Variants in SORCS2 observed in about 807,000 individuals in gnomAD.
The protein encoded by SORCS2 is VPS10 domain-containing receptor SorCS2.
A neutral mutation model predicts 141.6 loss-of-function variants in SORCS2; 100 were observed. That is an observed-to-expected ratio of 0.71 (90% CI 0.60 to 0.83). SORCS2 has a LOEUF of 0.83. Ranked by LOEUF, SORCS2 falls within the 40% of genes least tolerant of loss-of-function variation. SORCS2 has a pLI of 0.00. For synonymous variants in SORCS2, 789 were observed against 676.9 expected, an observed-to-expected ratio of 1.17 and a Z score of -2.57; for missense variants, 1,646 against 1,560.2, an observed-to-expected ratio of 1.05 and a Z score of -0.93.
intron 1 of SORCS2, among the ~76,000 whole-genome samples, chr4:7,386,502 CAT>C (rs1172721051): frequency 1.3e-5 from 1 of 79,616 alleles, no homozygotes; most frequent in Non-Finnish European, 2.5e-5. Flanking sequence ...CACGCACACA[CAT>C]GCCCACCATA....
Position 7,718,105 on chromosome 4 carries a change from C to T in SORCS2, c.2346C>T (p.Gly782=), listed in dbSNP as rs1287674962. The change falls in exon 18 of 27, where the codon GGC becomes GGT. Residue 782 remains glycine, a synonymous_variant. Coordinates refer to ENST00000507866, the MANE Select transcript of SORCS2 (RefSeq NM_020777.3). ...AGTGCCCCCTCACGCCGCCCCGGGG[C>T]CTGCAGGTCAGCATTCAAGGCGAGG... ...QLQCPLTPPR[G]LQVSIQGEAV... 1.1e-5 allele frequency: 17 copies of T among 1,611,928 alleles called. No individual in the cohort carries two copies. The highest frequency in any genetic ancestry group is 1.4e-5 in the Non-Finnish European group (16 of 1,179,212).
intron 3 of SORCS2, among the ~76,000 whole-genome samples, chr4:7,534,333 C>CA (rs1026057820): frequency 6.6e-6 from 1 of 152,126 alleles, no homozygotes; most frequent in Non-Finnish European, 1.5e-5. Context: ...GCCAGGTCCC[C>CA]CCCCATCAGG....
chr4:7,269,885 A>AT (rs905388414), intron 1 of SORCS2, among the ~76,000 whole-genome samples: 1 of 152,128 alleles, frequency 6.6e-6, no homozygotes, highest in Non-Finnish European at 1.5e-5. Context: ...TGTACTACTT[A>AT]TTTTTTATTT....
chr4:7,241,278 G>A (rs1488263325), intron 1 of SORCS2, among the ~76,000 whole-genome samples: 1 of 152,158 alleles, frequency 6.6e-6, no homozygotes, highest in Non-Finnish European at 1.5e-5. Context: ...TGGCTGGTGG[G>A]CAGAGGACAC....
At chr4:7,627,915 C>T (rs560292279) in intron 3 of SORCS2, among the ~76,000 whole-genome samples, 4 of 152,230 alleles carry the variant, frequency 2.6e-5, no homozygotes, top group Non-Finnish European at 5.9e-5. Flanking sequence ...GGAGGTCAGG[C>T]ACGCAGGAAC....
intron 22 of SORCS2, 94 bp from the exon 23 acceptor site, chr4:7,729,493 G>A (rs1250480201): frequency 6.8e-7 from 1 of 1,473,232 alleles, no homozygotes; most frequent in South Asian, 1.3e-5. Context: ...AGGTGTACAG[G>A]CCAAGAAGGG....
At chr4:7,515,560 A>G (rs1269340879) in intron 2 of SORCS2, among the ~76,000 whole-genome samples, 4 of 152,220 alleles carry the variant, frequency 2.6e-5, no homozygotes, top group Non-Finnish European at 4.4e-5. Flanking sequence ...CACATTGAGG[A>G]GGCCTGGACA....
chr4:7,460,268 G>A (rs1410493303), intron 2 of SORCS2: 1 of 154,528 alleles, frequency 6.5e-6, no homozygotes, highest in Non-Finnish European at 1.5e-5. Flanking sequence ...CATGCCCTAA[G>A]CCCCAGAGGA....
chr4:7,540,201 C>CCTCCCTGCCCCTGCCTCTGCCT (rs1712510781), intron 3 of SORCS2, among the ~76,000 whole-genome samples: 3 of 131,276 alleles, frequency 2.3e-5, no homozygotes, highest in African/African-American at 8.7e-5. Context: ...CCTCCCTGCC[C>CCTCCCTGCCCCTGCCTCTGCCT]CTCCCTGCCC....
chr4:7,718,422 A>G (rs2109049682), intron 18 of SORCS2, among the ~76,000 whole-genome samples: 1 of 152,282 alleles, frequency 6.6e-6, no homozygotes, highest in Non-Finnish European at 1.5e-5. Flanking sequence ...CGTAGGGGGT[A>G]TTAGGGTCCC....
chr4:7,523,729 G>A (rs969900356), intron 2 of SORCS2, among the ~76,000 whole-genome samples: 2 of 152,072 alleles, frequency 1.3e-5, no homozygotes, highest in African/African-American at 2.4e-5. Flanking sequence ...TTGGACTATC[G>A]ACCCCTAGCT....
intron 1 of SORCS2, among the ~76,000 whole-genome samples, chr4:7,257,674 A>G (rs776197634): frequency 6.6e-6 from 1 of 152,204 alleles, no homozygotes; most frequent in African/African-American, 2.4e-5. Context: ...TGACAGGAAG[A>G]GAAGTGCACA....
chr4:7,243,092 C>T (rs1196999606), intron 1 of SORCS2, among the ~76,000 whole-genome samples: 1 of 152,198 alleles, frequency 6.6e-6, no homozygotes, highest in Non-Finnish European at 1.5e-5. Flanking sequence ...TGACCCCACC[C>T]CACAGGCTTT....
intron 1 of SORCS2, among the ~76,000 whole-genome samples, chr4:7,222,807 C>T (rs923104947): frequency 6.6e-6 from 1 of 152,010 alleles, no homozygotes; most frequent in Non-Finnish European, 1.5e-5. Context: ...GGCACGGCAG[C>T]TGTGGTCTCC....
At chr4:7,419,389 C>CT (rs1725896819) in intron 2 of SORCS2, among the ~76,000 whole-genome samples, 1 of 152,092 alleles carries the variant, frequency 6.6e-6, no homozygotes, top group South Asian at 2.1e-4. Context: ...CCAGGAAAGG[C>CT]TGTGTGAGCC....
At chr4:7,359,360 C>T (rs1208890888) in intron 1 of SORCS2, among the ~76,000 whole-genome samples, 5 of 152,196 alleles carry the variant, frequency 3.3e-5, no homozygotes, top group African/African-American at 1.2e-4. Flanking sequence ...TCTCAGACTC[C>T]TGACCTCAAG....
chr4:7,307,511 G>T (rs755676698), intron 1 of SORCS2, among the ~76,000 whole-genome samples: 80 of 152,238 alleles, frequency 5.3e-4, no homozygotes, highest in Non-Finnish European at 2.8e-4. Context: ...TGCCCTGGCC[G>T]CTTGGGGGTG....
At chr4:7,468,435 G>A (rs1314632212) in intron 2 of SORCS2, among the ~76,000 whole-genome samples, 1 of 152,198 alleles carries the variant, frequency 6.6e-6, no homozygotes, top group East Asian at 1.9e-4. Flanking sequence ...CAGTTGCCTG[G>A]GACTATCTAT....
At chr4:7,622,115 C>T (rs1482444211) in intron 3 of SORCS2, among the ~76,000 whole-genome samples, 1 of 152,128 alleles carries the variant, frequency 6.6e-6, no homozygotes, top group Non-Finnish European at 1.5e-5. Flanking sequence ...CACAAAAAAG[C>T]CAGGATCCCT....
Sources: gnomAD v4.1 joint callset for allele counts (sites outside exome capture counted in the v4.1 genomes callset) on GRCh38, gnomAD v4.1.1 for gene constraint, MANE v1.5 for transcripts, NCBI Gene and HGNC (gene_info 2026-07-23, HGNC 2026-07-21) for gene names.